Variants in FHIT observed in about 807,000 individuals in gnomAD.
FHIT encodes fragile histidine triad diadenosine triphosphatase.
A neutral mutation model predicts 17.9 loss-of-function variants in FHIT; 19 were observed. The observed-to-expected ratio is 1.06, with a 90% CI of 0.74 to 1.56. The LOEUF is 1.56. FHIT is among the 40% of genes most tolerant of loss of function. The pLI is 0.00. For synonymous variants in FHIT, 81 were observed against 69.7 expected (o/e 1.16, Z -0.81); for missense variants, 248 against 189.2 (o/e 1.31, Z -1.82).
At chr3:60,831,575 T>C (rs2106818290) in intron 3 of FHIT, among the ~76,000 whole-genome samples, 2 of 152,342 alleles carry the variant, frequency 1.3e-5, no homozygotes, top group South Asian at 4.1e-4. Context: ...GGGTTGTACC[T>C]CTGCCACCAG....
intron 5 of FHIT, among the ~76,000 whole-genome samples, chr3:60,338,404 C>T (rs997506616): frequency 2.6e-5 from 4 of 152,106 alleles, no homozygotes; most frequent in African/African-American, 4.8e-5. Flanking sequence ...CTCACTGTGG[C>T]GCCCAGACTC....
intron 2 of FHIT, among the ~76,000 whole-genome samples, chr3:61,146,113 C>T (rs4688293): frequency 0.072 from 10,928 of 152,058 alleles, 485 homozygotes; most frequent in Middle Eastern, 0.13. Flanking sequence ...GAAAGCACGA[C>T]ATAAAACAAA....
intron 8 of FHIT, among the ~76,000 whole-genome samples, chr3:59,763,901 G>A (rs752882844): frequency 8.5e-5 from 13 of 152,298 alleles, no homozygotes; most frequent in Non-Finnish European, 1.5e-4. Context: ...CACTGGAGGC[G>A]AAAGGGCTAG....
At chr3:59,927,755 C>G (rs1415769042) in intron 7 of FHIT, among the ~76,000 whole-genome samples, 1 of 151,598 alleles carries the variant, frequency 6.6e-6, no homozygotes. Flanking sequence ...GGTGACAGAG[C>G]AAGACTCTGT....
At chr3:61,247,460 G>T (rs186292418) in intron 1 of FHIT, among the ~76,000 whole-genome samples, 9 of 152,238 alleles carry the variant, frequency 5.9e-5, no homozygotes, top group African/African-American at 2.2e-4. Flanking sequence ...TGGACAGAAG[G>T]CCCCACTGAC....
rs531277798 is a variant in FHIT, at chr3:60,829,928, T to C, written c.-110-7917A>G. On this transcript the variant is annotated intron_variant, in intron 3 of 9. Coordinates refer to ENST00000492590, the MANE Select transcript of FHIT (RefSeq NM_002012.4). ...CATCTATAAAGGAAATTTCTACTCA[T>C]AAGGGTGTCTCCCTTTCTGTACCAG... Among the ~76,000 whole-genome samples, 3 of 148,254 alleles carry C rather than the reference T, an allele frequency of 2.0e-5. No individual in the cohort carries two copies. In the South Asian group the frequency reaches 6.6e-4, roughly 32 times the overall value.
chr3:60,531,546 G>A (rs1005455958), intron 5 of FHIT, among the ~76,000 whole-genome samples: 3 of 152,078 alleles, frequency 2.0e-5, no homozygotes, highest in Non-Finnish European at 4.4e-5. Context: ...CCAAAGTGCT[G>A]GGATTACAGG....
chr3:59,809,446 AG>A (rs1318362635), intron 8 of FHIT, among the ~76,000 whole-genome samples: 1 of 152,174 alleles, frequency 6.6e-6, no homozygotes, highest in Non-Finnish European at 1.5e-5. Flanking sequence ...TTGAACTGGG[AG>A]GGAATGCATT....
intron 3 of FHIT, among the ~76,000 whole-genome samples, chr3:60,859,723 A>AATTTTTTTTTTTTTTTTT (rs1703547215): frequency 1.9e-5 from 1 of 51,886 alleles, no homozygotes; most frequent in African/African-American, 7.6e-5. Flanking sequence ...TCTGAATACG[A>AATTTTTTTTTTTTTTTTT]TTTTTTTTTT....
intron 2 of FHIT, among the ~76,000 whole-genome samples, chr3:61,112,245 C>CT (rs1384281062): frequency 3.3e-5 from 5 of 151,142 alleles, no homozygotes; most frequent in African/African-American, 1.2e-4. Flanking sequence ...CTTTAGCACT[C>CT]TATCACCACT....
chr3:61,022,603 C>G (rs1259584982), intron 3 of FHIT, among the ~76,000 whole-genome samples: 2 of 151,918 alleles, frequency 1.3e-5, no homozygotes, highest in Non-Finnish European at 2.9e-5. Flanking sequence ...CAATAAAATA[C>G]TGGCAAACTG....
intron 5 of FHIT, among the ~76,000 whole-genome samples, chr3:60,426,236 C>T (rs904335333): frequency 1.3e-5 from 2 of 152,044 alleles, no homozygotes; most frequent in Non-Finnish European, 1.5e-5. Context: ...TGAATACTTG[C>T]CAAGTGCTTG....
chr3:61,080,847 T>C (rs11925380), intron 2 of FHIT, among the ~76,000 whole-genome samples: 6,110 of 148,308 alleles, frequency 0.041, 219 homozygotes, highest in African/African-American at 0.094. Context: ...AAAAAAACAA[T>C]GAGAAAGTTC....
chr3:60,446,489 A>C (rs1352915752), intron 5 of FHIT, among the ~76,000 whole-genome samples: 1 of 152,120 alleles, frequency 6.6e-6, no homozygotes, highest in African/African-American at 2.4e-5. Flanking sequence ...GTGTGGTTTA[A>C]GGCCTGTGGG....
chr3:59,832,331 C>T (rs935398216), intron 8 of FHIT, among the ~76,000 whole-genome samples: 3 of 152,158 alleles, frequency 2.0e-5, no homozygotes, highest in African/African-American at 7.2e-5. Context: ...ACGTCTTTAA[C>T]TTAACTCCAA....
intron 4 of FHIT, among the ~76,000 whole-genome samples, chr3:60,763,298 TAAA>T (rs1553720540): frequency 6.6e-6 from 1 of 152,218 alleles, no homozygotes; most frequent in African/African-American, 2.4e-5. Context: ...TGTATTCACT[TAAA>T]ATAATAATAT....
intron 8 of FHIT, among the ~76,000 whole-genome samples, chr3:59,852,572 G>C (rs1208211200): frequency 6.6e-6 from 1 of 152,068 alleles, no homozygotes; most frequent in Non-Finnish European, 1.5e-5. Flanking sequence ...TCTTGGTGTT[G>C]TACATTCTAT....
intron 5 of FHIT, among the ~76,000 whole-genome samples, chr3:60,491,970 A>C (rs532783635): frequency 6.6e-6 from 1 of 152,344 alleles, no homozygotes; most frequent in East Asian, 1.9e-4. Context: ...CATTTCAAAT[A>C]AAGAACTTTC....
intron 1 of FHIT, among the ~76,000 whole-genome samples, chr3:61,203,456 G>A (rs2039099162): frequency 6.6e-6 from 1 of 151,846 alleles, no homozygotes; most frequent in African/African-American, 2.4e-5. Flanking sequence ...ATTGTTTAGT[G>A]CTCACAGTAG....
Sources: allele counts gnomAD v4.1 joint callset (sites outside exome capture counted in the v4.1 genomes callset), GRCh38; gene constraint gnomAD v4.1.1; transcripts MANE v1.5; gene names NCBI Gene and HGNC (gene_info 2026-07-23, HGNC 2026-07-21).